ASIC2: variants seen among roughly 807,000 people sequenced by gnomAD.
ASIC2 encodes acid-sensing ion channel 2.
A neutral mutation model predicts 57.3 loss-of-function variants in ASIC2; 25 were observed. The ratio of observed to expected loss-of-function variants is 0.44; its 90% confidence interval spans 0.32 to 0.61. The LOEUF is 0.61. Ranked by LOEUF, ASIC2 falls within the 20% of genes least tolerant of loss-of-function variation. ASIC2 has a pLI of 0.06. For missense variants in ASIC2, 641 were observed against 738.1 expected (o/e 0.87, Z 1.52); for synonymous variants, 319 against 307.5 (o/e 1.04, Z -0.39).
At chr17:33,583,653 A>G (rs953211611) in intron 1 of ASIC2, among the ~76,000 whole-genome samples, 1 of 152,194 alleles carries the variant, frequency 6.6e-6, no homozygotes, top group African/African-American at 2.4e-5. Flanking sequence ...GAAAATCTCT[A>G]TAATAGAAAC....
chr17:34,047,651 T>C (rs986825355), intron 1 of ASIC2, among the ~76,000 whole-genome samples: 1 of 152,074 alleles, frequency 6.6e-6, no homozygotes, highest in Non-Finnish European at 1.5e-5. Context: ...TTCCATTCCC[T>C]GAATCTGGGC....
intron 1 of ASIC2, among the ~76,000 whole-genome samples, chr17:34,047,076 T>C (rs1037572345): frequency 7.2e-5 from 11 of 152,180 alleles, no homozygotes; most frequent in African/African-American, 2.7e-4. Flanking sequence ...GAGGTATTCA[T>C]TAATGTCTTA....
chr17:33,919,453 T>C (rs942677548), intron 1 of ASIC2, among the ~76,000 whole-genome samples: 2 of 152,344 alleles, frequency 1.3e-5, no homozygotes, highest in African/African-American at 4.8e-5. Flanking sequence ...CTGGGATAAC[T>C]GTCTAGCTAT....
intron 1 of ASIC2, among the ~76,000 whole-genome samples, chr17:33,993,422 T>C (rs1354066958): frequency 6.6e-6 from 1 of 152,202 alleles, no homozygotes; most frequent in Non-Finnish European, 1.5e-5. Context: ...TCTCCTCTAC[T>C]GCCATGCGCC....
chr17:33,120,087 TAAAG>T (rs1332086305), intron 1 of ASIC2, among the ~76,000 whole-genome samples: 2 of 152,212 alleles, frequency 1.3e-5, no homozygotes, highest in African/African-American at 4.8e-5. Context: ...GTCCTACAGC[TAAAG>T]AGTAGTTTGC....
At chr17:33,548,809 A>G (rs73274950) in intron 1 of ASIC2, among the ~76,000 whole-genome samples, 14,201 of 152,096 alleles carry the variant, frequency 0.093, 1,741 homozygotes, top group African/African-American at 0.28. Flanking sequence ...CAGGACCTTT[A>G]CACTTGCCAT....
intron 1 of ASIC2, among the ~76,000 whole-genome samples, chr17:33,561,367 C>A (rs960994471): frequency 1.3e-5 from 2 of 152,198 alleles, no homozygotes; most frequent in African/African-American, 4.8e-5. Flanking sequence ...TAACATAGAA[C>A]TGATAGCACT....
At chr17:33,899,864 C>T (rs1915192855) in intron 1 of ASIC2, among the ~76,000 whole-genome samples, 1 of 152,110 alleles carries the variant, frequency 6.6e-6, no homozygotes, top group Non-Finnish European at 1.5e-5. Context: ...TTTAAAGTTC[C>T]AGAATAGTCT....
chr17:33,543,024 A>C (rs886346287), intron 1 of ASIC2, among the ~76,000 whole-genome samples: 5 of 151,154 alleles, frequency 3.3e-5, no homozygotes, highest in Non-Finnish European at 7.4e-5. Context: ...TTCTCAGTAA[A>C]CTATCGCAAG....
intron 1 of ASIC2, among the ~76,000 whole-genome samples, chr17:33,548,749 AGCCATGCTGACCTTG>A (rs1915657305): frequency 6.6e-6 from 1 of 152,128 alleles, no homozygotes; most frequent in South Asian, 2.1e-4. Context: ...ATTCCACTCT[AGCCATGCTGACCTTG>A]CTGTACCTTA....
At chr17:33,110,875 C>T (rs938559519) in intron 2 of ASIC2, among the ~76,000 whole-genome samples, 2 of 152,164 alleles carry the variant, frequency 1.3e-5, no homozygotes, top group African/African-American at 2.4e-5. Flanking sequence ...CTTCCCTCCC[C>T]TCCCACTCCC....
intron 1 of ASIC2, among the ~76,000 whole-genome samples, chr17:33,864,406 G>A (rs985529760): frequency 6.6e-6 from 1 of 152,130 alleles, no homozygotes. Flanking sequence ...TGCTAGTTAA[G>A]CCCAGCCACC....
chr17:33,964,879 T>C (rs1457089291), intron 1 of ASIC2, among the ~76,000 whole-genome samples: 1 of 152,182 alleles, frequency 6.6e-6, no homozygotes, highest in Non-Finnish European at 1.5e-5. Flanking sequence ...AAAGTTGCTG[T>C]TCTTCTCTTG....
At chr17:33,353,850 C>T (rs1448076473) in intron 1 of ASIC2, among the ~76,000 whole-genome samples, 1 of 152,132 alleles carries the variant, frequency 6.6e-6, no homozygotes, top group Non-Finnish European at 1.5e-5. Context: ...AGCACAGGGT[C>T]TCCATCAAGG....
intron 1 of ASIC2, among the ~76,000 whole-genome samples, chr17:33,712,721 C>T (rs1909085714): frequency 1.4e-5 from 2 of 139,552 alleles, no homozygotes; most frequent in South Asian, 4.8e-4. Context: ...TCTCGGCTCA[C>T]TGCAAGCTCC....
At chr17:33,947,164 G>C (rs942960120) in intron 1 of ASIC2, among the ~76,000 whole-genome samples, 3 of 152,210 alleles carry the variant, frequency 2.0e-5, no homozygotes, top group Non-Finnish European at 2.9e-5. Flanking sequence ...TTTTAATCAA[G>C]ATGGAAAAGT....
At chr17:33,196,831 A>T (rs1413587097) in intron 1 of ASIC2, among the ~76,000 whole-genome samples, 2 of 152,220 alleles carry the variant, frequency 1.3e-5, no homozygotes, top group African/African-American at 2.4e-5. Flanking sequence ...ACTCGCTGAC[A>T]CCACCAAGGG....
intron 1 of ASIC2, among the ~76,000 whole-genome samples, chr17:33,958,825 G>T (rs368567649): frequency 3.3e-5 from 5 of 152,216 alleles, no homozygotes; most frequent in African/African-American, 1.2e-4. Flanking sequence ...CCAGAAGATG[G>T]GTTTTTCTTT....
chr17:33,460,950 C>T (rs7221002), intron 1 of ASIC2, among the ~76,000 whole-genome samples: 37,001 of 152,164 alleles, frequency 0.24, 4,600 homozygotes, highest in African/African-American at 0.27. Flanking sequence ...ATCAACCATC[C>T]AGCCAATTTC....
Sources: gnomAD v4.1 joint callset for allele counts (sites outside exome capture counted in the v4.1 genomes callset) on GRCh38, gnomAD v4.1.1 for gene constraint, MANE v1.5 for transcripts, NCBI Gene and HGNC (gene_info 2026-07-23, HGNC 2026-07-21) for gene names.